The following ADCY1 variants were observed in gnomAD, a reference collection of about 807,000 sequenced individuals.
ADCY1 encodes the protein adenylate cyclase type 1.
Under a neutral mutation model 105.4 loss-of-function variants are expected in ADCY1, and 28 were observed. The ratio of observed to expected loss-of-function variants is 0.27; its 90% CI spans 0.20 to 0.36. ADCY1 has a LOEUF of 0.36. Among genes scored for constraint, ADCY1 ranks in the 10% least tolerant of loss-of-function variants. The pLI is 1.00. For synonymous variants in ADCY1, 655 were observed against 623.8 expected, an observed-to-expected ratio of 1.05 and a Z score of -0.75; for missense variants, 977 against 1,434.2, an observed-to-expected ratio of 0.68 and a Z score of 5.15.
intron 2 of ADCY1, among the ~76,000 whole-genome samples, chr7:45,594,099 G>C (rs1393135603): frequency 6.6e-6 from 1 of 152,178 alleles, no homozygotes; most frequent in African/African-American, 2.4e-5. Context: ...CTATCTGTAC[G>C]TCTGTGTGGT....
chr7:45,630,672 C>A (rs1338721902), intron 4 of ADCY1, among the ~76,000 whole-genome samples: 1 of 152,116 alleles, frequency 6.6e-6, no homozygotes, highest in Admixed American at 6.5e-5. Context: ...TCTCTCTTTC[C>A]CTTTTTCTGT....
intron 8 of ADCY1, among the ~76,000 whole-genome samples, chr7:45,674,018 G>GTT (rs1307318080): frequency 2.5e-4 from 20 of 80,728 alleles, no homozygotes; most frequent in African/African-American, 1.0e-3. Flanking sequence ...TGTTTTTGTT[G>GTT]TTTTTTTTTT....
intron 8 of ADCY1, chr7:45,664,150 A>T: frequency 2.7e-6 from 2 of 735,444 alleles, no homozygotes; most frequent in Non-Finnish European, 4.6e-6. Flanking sequence ...TGGGATATTG[A>T]GGGTGGGGCG....
chr7:45,682,176 G>C (rs1275639844), intron 11 of ADCY1, among the ~76,000 whole-genome samples: 2 of 152,196 alleles, frequency 1.3e-5, no homozygotes, highest in Non-Finnish European at 1.5e-5. Flanking sequence ...CAGTTGGAGT[G>C]TTCTGAAGTC....
chr7:45,692,847 A>C lies in ADCY1; in HGVS notation c.2454+6174A>C, dbSNP rs1784808493. Among the ~76,000 whole-genome samples the C allele has an allele frequency of 2.0e-5, 3 of 147,340 alleles. No individual in the cohort carries two copies. In the South Asian group the frequency reaches 6.3e-4, roughly 31 times the overall value. Reference sequence around the variant, plus strand: ...GTTTGTCAATTAAATATTTCAAAATAAAAAAAAATACTAAGCTCACAAAGA... The same window carrying C: ...GTTTGTCAATTAAATATTTCAAAATCAAAAAAAATACTAAGCTCACAAAGA... On this transcript the variant is annotated intron_variant, in intron 14 of 19. Transcript: ENST00000297323.
chr7:45,712,601 G>C (rs866650568), intron 19 of ADCY1, among the ~76,000 whole-genome samples: 1 of 151,856 alleles, frequency 6.6e-6, no homozygotes, highest in East Asian at 1.9e-4. Flanking sequence ...CCACACTGAC[G>C]GGGGCCAGCC....
At chr7:45,664,878 G>C (rs2116140642) in intron 8 of ADCY1, among the ~76,000 whole-genome samples, 1 of 152,192 alleles carries the variant, frequency 6.6e-6, no homozygotes, top group South Asian at 2.1e-4. Flanking sequence ...CCGTCATCTA[G>C]GTTTTAAGTC....
At chr7:45,687,175 T>TTCTGACAC in intron 14 of ADCY1, among the ~76,000 whole-genome samples, 2 of 152,090 alleles carry the variant, frequency 1.3e-5, no homozygotes, top group East Asian at 3.9e-4. Flanking sequence ...ACAAGAGGCA[T>TTCTGACAC]AAGCACCACT....
chr7:45,701,150 TAG>T (rs1048592909), intron 14 of ADCY1, among the ~76,000 whole-genome samples: 1 of 152,262 alleles, frequency 6.6e-6, no homozygotes, highest in Non-Finnish European at 1.5e-5. Context: ...TTCTTAAGAA[TAG>T]AGTTTCCTGG....
chr7:45,657,124 G>A (rs1241704915), intron 5 of ADCY1, among the ~76,000 whole-genome samples: 2 of 152,210 alleles, frequency 1.3e-5, no homozygotes, highest in African/African-American at 4.8e-5. Flanking sequence ...CCCAGCTCCT[G>A]GTGAATGCCC....
intron 14 of ADCY1, among the ~76,000 whole-genome samples, chr7:45,693,429 C>G (rs903528813): frequency 2.8e-5 from 4 of 143,672 alleles, no homozygotes; most frequent in African/African-American, 1.0e-4. Flanking sequence ...CTCCTTGTAC[C>G]TCTGGTAGAA....
intron 2 of ADCY1, among the ~76,000 whole-genome samples, chr7:45,594,001 A>C (rs2115785326): frequency 6.6e-6 from 1 of 152,188 alleles, no homozygotes; most frequent in African/African-American, 2.4e-5. Flanking sequence ...GCATGTGTGG[A>C]TATGTGCATA....
chr7:45,598,753 T>A (rs1793140937), intron 2 of ADCY1, among the ~76,000 whole-genome samples: 1 of 152,210 alleles, frequency 6.6e-6, no homozygotes, highest in African/African-American at 2.4e-5. Flanking sequence ...ACAGATGAGT[T>A]AGACAGAACT....
At chr7:45,662,018 C>A in intron 7 of ADCY1, 41 bp from the exon 8 acceptor site, 3 of 1,595,834 alleles carry the variant, frequency 1.9e-6, no homozygotes, top group South Asian at 2.3e-5. Flanking sequence ...CAATGTGTCT[C>A]ATTCACAGCA....
chr7:45,686,851 G>T lies in ADCY1; in HGVS notation c.2454+178G>T, dbSNP rs1281825248. ...GGGATGGAGGAGACCTATGCTGGGG[G>T]TGCAGGGAGTGGGAGCCATGCCTCG... is the stretch of plus-strand genomic sequence containing the variant. On this transcript the variant is annotated intron_variant, in intron 14 of 19. Transcript: ENST00000297323. The surrounding 1 kb of genome is among the most constrained non-coding windows in gnomAD (Gnocchi z 4.3). Among the ~76,000 whole-genome samples the T allele has an allele frequency of 6.6e-6, 1 of 152,220 alleles. No individual in the cohort carries two copies. Among genetic ancestry groups the T allele is most frequent in the African/African-American group, 2.4e-5 (1 of 41,466 alleles).
At position 45,717,432 on chromosome 7, in the gene ADCY1, CTTAT is replaced by C. The variant is rs1343490144; in HGVS notation, c.*3444_*3447del. On this transcript the variant is annotated 3_prime_UTR_variant, in exon 20 of 20. Transcript: ENST00000297323. ...TTGTGGGAAAACTGTATTATATTGC[CTTAT>C]TTATTTTTAATCATGTACAATATTC... The C allele has an allele frequency of 6.6e-6, 1 of 152,562 alleles. No homozygotes were observed. Among genetic ancestry groups the C allele is most frequent in the Non-Finnish European group, 1.5e-5 (1 of 68,032 alleles). 9.5% of individuals were successfully genotyped at this position (152,562 alleles called of 1,614,324 possible).
chr7:45,713,968 C>T lies in ADCY1; in HGVS notation c.3333C>T (p.Pro1111=), dbSNP rs1260096149. 3.9e-6 allele frequency: 3 copies of T among 777,878 alleles called. No homozygotes were observed. The highest frequency in any genetic ancestry group is 4.8e-6 in the Non-Finnish European group (2 of 416,032). 48.2% of individuals were successfully genotyped at this position (777,878 alleles called of 1,614,324 possible). A position where few individuals can be genotyped will look rare whatever the true frequency, so the allele number is the denominator to read the frequency against. Residue 1111 remains proline, a synonymous_variant, in exon 20 of 20, where the codon CCC becomes CCT. Coordinates refer to ENST00000297323, the MANE Select transcript of ADCY1 (RefSeq NM_021116.4). ...LPPHSPGQYL[P]SAAAGKEA is the part of the protein sequence containing the mutation. Reference sequence around the variant, plus strand: ...CACACTCCCCAGGCCAGTACCTGCCCTCTGCAGCAGCTGGGAAGGAGGCTT... The same window carrying T: ...CACACTCCCCAGGCCAGTACCTGCCTTCTGCAGCAGCTGGGAAGGAGGCTT...
At chr7:45,683,850 G>A (rs907358726) in intron 11 of ADCY1, among the ~76,000 whole-genome samples, 3 of 152,236 alleles carry the variant, frequency 2.0e-5, no homozygotes, top group African/African-American at 4.8e-5. Context: ...GCAAAAGATG[G>A]CAGGATCTTG....
chr7:45,703,665 C>T lies in ADCY1; in HGVS notation c.2637C>T (p.Asp879=). ...TTGCCTCCATCCCCAACTTCAATGA[C>T]TTCTACATCGAGCTGGACGGCAACA... ...VMFASIPNFN[D]FYIELDGNNM... is the part of the protein sequence containing the mutation. The change falls in exon 16 of 20, where the codon GAC becomes GAT. Residue 879 remains aspartate, a synonymous_variant. Transcript: ENST00000297323. The surrounding 1 kb of genome is among the most constrained non-coding windows in gnomAD (Gnocchi z 5.9). The T allele has an allele frequency of 6.2e-7, 1 of 1,613,416 alleles. No individual in the cohort carries two copies.
Sources: gnomAD v4.1 joint callset for allele counts (sites outside exome capture counted in the v4.1 genomes callset) on GRCh38, gnomAD v4.1.1 for gene constraint, Gnocchi (gnomAD v3.1) non-coding constraint, MANE v1.5 for transcripts, NCBI Gene and HGNC (gene_info 2026-07-23, HGNC 2026-07-21) for gene names.